Variants in GREM1 observed in about 807,000 individuals in gnomAD.
GREM1 encodes gremlin-1.
Under a neutral mutation model 13.1 loss-of-function variants are expected in GREM1, and 6 were observed. The observed-to-expected ratio is 0.46, with a 90% CI of 0.25 to 0.91. GREM1 has a LOEUF of 0.91. Ranked by LOEUF, GREM1 falls within the 40% of genes least tolerant of loss-of-function variation. The pLI, the probability that GREM1 is intolerant of heterozygous loss-of-function variation, is 0.18. For synonymous variants in GREM1, 98 were observed against 93.7 expected (o/e 1.05, Z -0.27); for missense variants, 185 against 233.9 (o/e 0.79, Z 1.36).
rs1020617182 is a variant in GREM1, at chr15:32,743,959, T to C, written c.*12714T>C. ...ACTTAGTAACTGGCTTCCTCTAGAG[T>C]GACTAATCCAAGAGACAGCAAGGAT... On this transcript the variant is annotated 3_prime_UTR_variant, in exon 2 of 2. Coordinates refer to ENST00000651154, the MANE Select transcript of GREM1 (RefSeq NM_013372.7). The C allele has an allele frequency of 2.0e-5, 3 of 151,944 alleles. No homozygotes were observed. Among genetic ancestry groups the C allele is most frequent in the Admixed American group, 1.3e-4 (2 of 15,250 alleles). The allele number at this position is 151,944 out of a possible 1,614,324, so 9.4% of individuals were successfully genotyped here.
intron 1 of GREM1, among the ~76,000 whole-genome samples, chr15:32,719,401 G>A (rs555245208): frequency 1.3e-5 from 2 of 152,336 alleles, no homozygotes; most frequent in South Asian, 4.1e-4. Flanking sequence ...AGCCTCTGCT[G>A]TGAAGAAATT....
In GREM1 at chr15:32,732,143, C is replaced by G; in HGVS notation, c.*898C>G. 4.1e-6 allele frequency: 1 copy of G among 243,250 alleles called. No individual in the cohort carries two copies. Among genetic ancestry groups the G allele is most frequent in the African/African-American group, 2.2e-5 (1 of 45,238 alleles). The allele number at this position is 243,250 out of a possible 1,614,324, so 15.1% of individuals were successfully genotyped here. ...CATAAATACTGACCACTCCTATGTT[C>G]GGACCCAAGCAAGTTAGCTAAACCA... On this transcript the variant is annotated 3_prime_UTR_variant, in exon 2 of 2. Coordinates refer to ENST00000651154, the MANE Select transcript of GREM1 (RefSeq NM_013372.7).
At chr15:32,726,710 GTTTTTT>G (rs3054576) in intron 1 of GREM1, among the ~76,000 whole-genome samples, 18 of 142,574 alleles carry the variant, frequency 1.3e-4, no homozygotes, top group African/African-American at 4.6e-4. Flanking sequence ...CCCAGGAGCT[GTTTTTT>G]TTTTTTTTTT....
Position 32,743,238 on chromosome 15 carries a change from T to G in GREM1, c.*11993T>G, listed in dbSNP as rs1329252353. 1 of 152,228 alleles carries G rather than the reference T, an allele frequency of 6.6e-6. No homozygotes were observed. The highest frequency in any genetic ancestry group is 1.5e-5 in the Non-Finnish European group (1 of 68,036). 9.4% of individuals were successfully genotyped at this position (152,228 alleles called of 1,614,324 possible). On this transcript the variant is annotated 3_prime_UTR_variant, in exon 2 of 2. Coordinates refer to ENST00000651154, the MANE Select transcript of GREM1 (RefSeq NM_013372.7). ...TATAGAGGCTGGAAGAAAGATTTTTTTCTTTCTCTAGGATGACAAGTTATA... is the reference window on the plus strand; with the variant it reads ...TATAGAGGCTGGAAGAAAGATTTTTGTCTTTCTCTAGGATGACAAGTTATA...
chr15:32,718,505 GC>G (rs1356962861), intron 1 of GREM1: 1 of 460,026 alleles, frequency 2.2e-6, no homozygotes, highest in Non-Finnish European at 4.4e-6. Context: ...CTTAGCGAGG[GC>G]GCGAAGTCCA....
chr15:32,718,140 C>A lies in GREM1; in HGVS notation c.-23C>A, dbSNP rs572282473. 3.8e-6 allele frequency: 5 copies of A among 1,311,936 alleles called. No individual in the cohort carries two copies. Among genetic ancestry groups the A allele is most frequent in the Middle Eastern group, 2.1e-4 (1 of 4,796 alleles). 81.3% of individuals were successfully genotyped at this position (1,311,936 alleles called of 1,614,324 possible). A position where few individuals can be genotyped will look rare whatever the true frequency, so the allele number is the denominator to read the frequency against. ...CGCCACGCGTCGAAAGCGCAGGCCC[C>A]GAGGACCCGCCGCACTGACAGGTGA... is the stretch of plus-strand genomic sequence containing the variant. On this transcript the variant is annotated 5_prime_UTR_variant, in exon 1 of 2. Transcript: ENST00000651154.
chr15:32,724,473 C>T (rs973452163), intron 1 of GREM1, among the ~76,000 whole-genome samples: 1 of 152,190 alleles, frequency 6.6e-6, no homozygotes, highest in Admixed American at 6.5e-5. Flanking sequence ...TTTAGATCTT[C>T]GTCCAACTTG....
chr15:32,736,599 G>T lies in GREM1; in HGVS notation c.*5354G>T, dbSNP rs1411942655. ...CAGAGCTCCTTGGCAGAGACTGGTT[G>T]AATTATTGATTCCAAGTGTTTGAGG... On this transcript the variant is annotated 3_prime_UTR_variant, in exon 2 of 2. Transcript: ENST00000651154. 6.6e-6 allele frequency: 1 copy of T among 152,142 alleles called. No homozygotes were observed. The highest frequency in any genetic ancestry group is 1.9e-4 in the East Asian group (1 of 5,186). 9.4% of individuals were successfully genotyped at this position (152,142 alleles called of 1,614,324 possible). A position where few individuals can be genotyped will look rare whatever the true frequency, so the allele number is the denominator to read the frequency against.
Position 32,734,218 on chromosome 15 carries a change from C to T in GREM1, c.*2973C>T, listed in dbSNP as rs187710735. ...AAATTGAATGTTCCTTAAAGGTTAA[C>T]ATTTCTAAAGCAATATTAAGAAAGA... is the stretch of plus-strand genomic sequence containing the variant. On this transcript the variant is annotated 3_prime_UTR_variant, in exon 2 of 2. Transcript: ENST00000651154. The T allele has an allele frequency of 2.5e-5, 6 of 241,724 alleles. No individual in the cohort carries two copies. The highest frequency in any genetic ancestry group is 2.3e-4 in the Admixed American group (4 of 17,566). The allele number at this position is 241,724 out of a possible 1,614,324, so 15.0% of individuals were successfully genotyped here.
Position 32,718,044 on chromosome 15 carries a change from G to C in GREM1, c.-119G>C. 1 of 1,163,934 alleles carries C rather than the reference G, an allele frequency of 8.6e-7. No individual in the cohort carries two copies. The highest frequency in any genetic ancestry group is 1.1e-6 in the Non-Finnish European group (1 of 937,318). 72.1% of individuals were successfully genotyped at this position (1,163,934 alleles called of 1,614,324 possible). A position where few individuals can be genotyped will look rare whatever the true frequency, so the allele number is the denominator to read the frequency against. On this transcript the variant is annotated 5_prime_UTR_variant, in exon 1 of 2. Coordinates refer to ENST00000651154, the MANE Select transcript of GREM1 (RefSeq NM_013372.7). ...CGCGGACCGGGCGACCCAGTGCACGGCCGCCGCGTCACTCTCGGTCCCGCT... is the reference window on the plus strand; with the variant it reads ...CGCGGACCGGGCGACCCAGTGCACGCCCGCCGCGTCACTCTCGGTCCCGCT...
chr15:32,730,552 G>A (rs926444612), intron 1 of GREM1, 138 bp from the exon 2 acceptor site: 7 of 632,868 alleles, frequency 1.1e-5, no homozygotes, highest in African/African-American at 7.4e-5. Flanking sequence ...AATTCATACA[G>A]GTACTGTGAG....
Position 32,739,570 on chromosome 15 carries a change from G to A in GREM1, c.*8325G>A, listed in dbSNP as rs539350857. ...AGAAGTTTAAAATAATTGGATAATG[G>A]GGCAGGTGACATCAGCAAGATGTTG... On this transcript the variant is annotated 3_prime_UTR_variant, in exon 2 of 2. Transcript: ENST00000651154. The A allele has an allele frequency of 3.9e-5, 6 of 152,304 alleles. No homozygotes were observed. The highest frequency in any genetic ancestry group is 3.9e-4 in the Admixed American group (6 of 15,300). 9.4% of individuals were successfully genotyped at this position (152,304 alleles called of 1,614,324 possible).
rs967272113 is a variant in GREM1 at position 32,738,628 on chromosome 15, A to T, written c.*7383A>T. The T allele has an allele frequency of 2.6e-5, 4 of 152,204 alleles. No homozygotes were observed. The highest frequency in any genetic ancestry group is 4.8e-5 in the African/African-American group (2 of 41,450). The allele number at this position is 152,204 out of a possible 1,614,324, so 9.4% of individuals were successfully genotyped here. A position where few individuals can be genotyped will look rare whatever the true frequency, so the allele number is the denominator to read the frequency against. On this transcript the variant is annotated 3_prime_UTR_variant, in exon 2 of 2. Coordinates refer to ENST00000651154, the MANE Select transcript of GREM1 (RefSeq NM_013372.7). Reference sequence around the variant, plus strand: ...GATCCACAATAGCCAAAATAATCTTAAAAAAGATTTTAAAAAGTTGGAGAA... The same window carrying T: ...GATCCACAATAGCCAAAATAATCTTTAAAAAGATTTTAAAAAGTTGGAGAA...
intron 1 of GREM1, among the ~76,000 whole-genome samples, chr15:32,722,398 A>C (rs2055422661): frequency 6.6e-6 from 1 of 152,228 alleles, no homozygotes; most frequent in African/African-American, 2.4e-5. Flanking sequence ...TTTGGCTTTC[A>C]CTGTAATTCC....
At chr15:32,719,821 CCT>C (rs2055374624) in intron 1 of GREM1, among the ~76,000 whole-genome samples, 2 of 152,092 alleles carry the variant, frequency 1.3e-5, no homozygotes, top group Non-Finnish European at 2.9e-5. Context: ...GGTGAGGAGT[CCT>C]CTTTCATCCC....
Position 32,732,263 on chromosome 15 carries a change from G to A in GREM1, c.*1018G>A, listed in dbSNP as rs1242077159. On this transcript the variant is annotated 3_prime_UTR_variant, in exon 2 of 2. Transcript: ENST00000651154. ...GAATTAATCAAAAACCTCAGAGGCT[G>A]AAATTCCTAATACCTTTCCTTTATC... 4.2e-6 allele frequency: 1 copy of A among 237,362 alleles called. No homozygotes were observed. Among genetic ancestry groups the A allele is most frequent in the East Asian group, 6.5e-5 (1 of 15,296 alleles). The allele number at this position is 237,362 out of a possible 1,614,324, so 14.7% of individuals were successfully genotyped here. A position where few individuals can be genotyped will look rare whatever the true frequency, so the allele number is the denominator to read the frequency against.
At chr15:32,726,154 A>G (rs914687452) in intron 1 of GREM1, among the ~76,000 whole-genome samples, 1 of 152,034 alleles carries the variant, frequency 6.6e-6, no homozygotes, top group Admixed American at 6.6e-5. Context: ...TAGTTTTTTC[A>G]TAGACATCTA....
chr15:32,733,345 A>G lies in GREM1; in HGVS notation c.*2100A>G, dbSNP rs182520997. On this transcript the variant is annotated 3_prime_UTR_variant, in exon 2 of 2. Transcript: ENST00000651154. Reference sequence around the variant, plus strand: ...CTGAAAATGTAAAACCACACCAGGGAGGAAAAATGACATTCAGAACCAGCA... The same window carrying G: ...CTGAAAATGTAAAACCACACCAGGGGGGAAAAATGACATTCAGAACCAGCA... 1.3e-5 allele frequency: 3 copies of G among 225,232 alleles called. No homozygotes were observed. The East Asian group carries it at 2.1e-4, about 16-fold the overall frequency. 14.0% of individuals were successfully genotyped at this position (225,232 alleles called of 1,614,324 possible).
At chr15:32,726,540 G>A (rs992499089) in intron 1 of GREM1, among the ~76,000 whole-genome samples, 2 of 152,168 alleles carry the variant, frequency 1.3e-5, no homozygotes, top group African/African-American at 4.8e-5. Context: ...ACAGGAGAAA[G>A]CGGGACAGAT....
Sources: gnomAD v4.1 joint callset for allele counts (sites outside exome capture counted in the v4.1 genomes callset) on GRCh38, gnomAD v4.1.1 for gene constraint, MANE v1.5 for transcripts, NCBI Gene and HGNC (gene_info 2026-07-23, HGNC 2026-07-21) for gene names.